Variants in AKR1C8 observed in about 807,000 individuals in gnomAD.
The protein encoded by AKR1C8 is aldo-keto reductase family 1 member C-like protein 1.
At chr10:5,174,591 T>C in the AKR1C8 span, among the ~76,000 whole-genome samples, 2 of 151,996 alleles carry the variant, frequency 1.3e-5, no homozygotes, top group South Asian at 2.1e-4. Context: ...CCTCTAACTA[T>C]ACTAGAAAAA....
At chr10:5,124,922 G>A in the AKR1C8 span, among the ~76,000 whole-genome samples, 1 of 151,840 alleles carries the variant, frequency 6.6e-6, no homozygotes, top group African/African-American at 2.4e-5. Flanking sequence ...CTCCAAAAAT[G>A]TTTAACCTCG....
chr10:5,177,152 A>C, the AKR1C8 span, among the ~76,000 whole-genome samples: 5 of 152,172 alleles, frequency 3.3e-5, 1 homozygote, highest in Non-Finnish European at 5.9e-5. Context: ...GATGCATCCC[A>C]TCAATACCTG....
chr10:5,170,513 CT>C, the AKR1C8 span, among the ~76,000 whole-genome samples: 1 of 151,914 alleles, frequency 6.6e-6, no homozygotes, highest in Non-Finnish European at 1.5e-5. Context: ...GAGATAAGGC[CT>C]TTTTAAAGCC....
the AKR1C8 span, among the ~76,000 whole-genome samples, chr10:5,157,382 C>T: frequency 4.6e-5 from 7 of 152,164 alleles, no homozygotes; most frequent in East Asian, 1.9e-4. Flanking sequence ...ACTCCTGAAA[C>T]GGATGAAAAT....
At chr10:5,121,581 A>G in the AKR1C8 span, among the ~76,000 whole-genome samples, 1 of 152,076 alleles carries the variant, frequency 6.6e-6, no homozygotes, top group South Asian at 2.1e-4. Flanking sequence ...CTGGACTCTT[A>G]CGGGAGGACA....
At chr10:5,172,719 A>C in the AKR1C8 span, among the ~76,000 whole-genome samples, 1 of 152,132 alleles carries the variant, frequency 6.6e-6, no homozygotes, top group African/African-American at 2.4e-5. Flanking sequence ...TGTACTGGTA[A>C]GTTTCAAAGA....
chr10:5,124,598 A>G, the AKR1C8 span, among the ~76,000 whole-genome samples: 2 of 152,324 alleles, frequency 1.3e-5, no homozygotes, highest in East Asian at 3.9e-4. Flanking sequence ...AATACAAAAA[A>G]TTAAAACATT....
chr10:5,146,253 G>A, the AKR1C8 span, among the ~76,000 whole-genome samples: 1 of 151,540 alleles, frequency 6.6e-6, no homozygotes, highest in African/African-American at 2.4e-5. Context: ...AATGCTAGAT[G>A]ACGAGTTAGT....
chr10:5,133,370 G>A, the AKR1C8 span, among the ~76,000 whole-genome samples: 1 of 152,108 alleles, frequency 6.6e-6, no homozygotes, highest in African/African-American at 2.4e-5. Context: ...TGCGATTACA[G>A]GCGTGAGCCA....
chr10:5,152,275 G>T, the AKR1C8 span, among the ~76,000 whole-genome samples: 2 of 152,092 alleles, frequency 1.3e-5, no homozygotes, highest in African/African-American at 4.8e-5. Flanking sequence ...CATAATTTTT[G>T]TCTTTCCAGT....
At chr10:5,127,605 GCTAC>G in the AKR1C8 span, among the ~76,000 whole-genome samples, 1 of 151,278 alleles carries the variant, frequency 6.6e-6, no homozygotes, top group Non-Finnish European at 1.5e-5. Flanking sequence ...TGTAATCCCA[GCTAC>G]TCAGGAGCCT....
At chr10:5,149,939 T>C in the AKR1C8 span, among the ~76,000 whole-genome samples, 2 of 151,768 alleles carry the variant, frequency 1.3e-5, no homozygotes, top group Non-Finnish European at 2.9e-5. Flanking sequence ...CTGAAAGCTA[T>C]AAAAACAGCT....
the AKR1C8 span, among the ~76,000 whole-genome samples, chr10:5,171,833 A>G: frequency 6.6e-6 from 1 of 152,090 alleles, no homozygotes; most frequent in Non-Finnish European, 1.5e-5. Context: ...TTTTAAAACA[A>G]TTCTTCAACC....
the AKR1C8 span, among the ~76,000 whole-genome samples, chr10:5,145,096 G>A: frequency 0.031 from 4,748 of 151,918 alleles, 246 homozygotes; most frequent in African/African-American, 0.11. Flanking sequence ...GTTGAATTTT[G>A]TCAAAGGCCT....
the AKR1C8 span, among the ~76,000 whole-genome samples, chr10:5,124,355 C>A: frequency 6.6e-6 from 1 of 152,066 alleles, no homozygotes; most frequent in Non-Finnish European, 1.5e-5. Flanking sequence ...TATTTGCCTC[C>A]ACTGATGGTG....
At chr10:5,150,869 C>T in the AKR1C8 span, among the ~76,000 whole-genome samples, 372 of 152,254 alleles carry the variant, frequency 2.4e-3, 4 homozygotes, top group African/African-American at 8.5e-3. Flanking sequence ...ATGAGCTGAT[C>T]TATCAAGACA....
the AKR1C8 span, among the ~76,000 whole-genome samples, chr10:5,182,833 C>A: frequency 6.6e-6 from 1 of 151,838 alleles, no homozygotes; most frequent in Non-Finnish European, 1.5e-5. Flanking sequence ...CTGCTTGAAC[C>A]CAGGAGGCGG....
the AKR1C8 span, among the ~76,000 whole-genome samples, chr10:5,142,025 G>A: frequency 2.6e-5 from 4 of 152,066 alleles, no homozygotes; most frequent in Admixed American, 2.0e-4. Flanking sequence ...ATTGCTTATT[G>A]TAGTCGCTTT....
At chr10:5,123,714 A>C in the AKR1C8 span, 4 of 1,609,752 alleles carry the variant, frequency 2.5e-6, no homozygotes, top group Admixed American at 3.4e-5. Flanking sequence ...TTATTACCAT[A>C]GTTCATGTCG....
Sources: allele counts gnomAD v4.1 joint callset (sites outside exome capture counted in the v4.1 genomes callset), GRCh38; gene constraint gnomAD v4.1.1; transcripts MANE v1.5; gene names NCBI Gene and HGNC (gene_info 2026-07-23, HGNC 2026-07-21).